Variants in FYCO1 observed in about 807,000 individuals in gnomAD.
FYCO1 encodes the protein FYVE and coiled-coil domain autophagy adaptor 1, also known as FYVE and coiled-coil domain-containing protein 1.
Under a neutral mutation model 165.1 loss-of-function variants are expected in FYCO1, and 122 were observed. The observed-to-expected ratio is 0.74, with a 90% CI of 0.64 to 0.86. The LOEUF (loss-of-function observed/expected upper bound fraction) is 0.86. FYCO1 is among the 40% of genes least tolerant of loss of function. The pLI is 0.00. For synonymous variants in FYCO1, 648 were observed against 742.5 expected (o/e 0.87, Z 2.07); for missense variants, 1,702 against 1,810.3 (o/e 0.94, Z 1.09).
In FYCO1 at chr3:45,964,950, C is replaced by T. The variant is rs1276368797; in HGVS notation, c.3150+83G>A. 1 of 1,072,510 alleles carries T rather than the reference C, an allele frequency of 9.3e-7. No individual in the cohort carries two copies. Among genetic ancestry groups the T allele is most frequent in the Non-Finnish European group, 1.4e-6 (1 of 701,290 alleles). 66.4% of individuals were successfully genotyped at this position (1,072,510 alleles called of 1,614,324 possible). On this transcript the variant is annotated intron_variant, in intron 9 of 17. Coordinates refer to ENST00000296137, the MANE Select transcript of FYCO1 (RefSeq NM_024513.4). The surrounding 1 kb of genome is among the most constrained non-coding windows in gnomAD (Gnocchi z 4.1). ...CGGCTTCAGCTTGGGAATCTGGAGG[C>T]ATGCAGGGAGCCCTCTTAAATGGTC...
chr3:45,947,171 A>C (rs759124870), intron 14 of FYCO1: 15 of 1,614,056 alleles, frequency 9.3e-6, no homozygotes, highest in Admixed American at 1.7e-5. Context: ...ACAGATCTCT[A>C]AAGATCATCT....
rs989404132 is a variant in FYCO1 at position 45,967,053 on chromosome 3, C to T, written c.2281G>A (p.Asp761Asn). The change falls in exon 8 of 18, where the codon GAC (aspartate) becomes AAC (asparagine). Residue 761 changes from aspartate to asparagine, a missense_variant. Physicochemically the swap from Asp to Asn is conservative, Grantham distance 23 (BLOSUM62 1). Coordinates refer to ENST00000296137, the MANE Select transcript of FYCO1 (RefSeq NM_024513.4). ...KGQQGVGPPT[D>N]NEARELAAQL... Reference sequence around the variant, plus strand: ...GCAGCCAGCTCACGGGCTTCATTGTCAGTGGGTGGGCCAACTCCCTGTTGG... The same window carrying T: ...GCAGCCAGCTCACGGGCTTCATTGTTAGTGGGTGGGCCAACTCCCTGTTGG... 3 of 1,613,588 alleles carry T rather than the reference C, an allele frequency of 1.9e-6. No homozygotes were observed. The Admixed American group carries it at 5.0e-5, about 27-fold the overall frequency.
Position 45,948,855 on chromosome 3 carries a change from T to C in FYCO1, c.3944+6394A>G, listed in dbSNP as rs547465375. ...GAATCTCTTAGCCTCTGAGCACCTG[T>C]TTCCTTTCTTTTTGGTGAAACATGG... On this transcript the variant is annotated intron_variant, in intron 14 of 17. Coordinates refer to ENST00000296137, the MANE Select transcript of FYCO1 (RefSeq NM_024513.4). 9.1e-4 allele frequency among the ~76,000 whole-genome samples: 138 copies of C among 152,308 alleles called. 2 individuals are homozygous for C. The highest frequency in any genetic ancestry group is 1.5e-3 in the Non-Finnish European group (99 of 68,038).
Position 45,969,693 on chromosome 3 carries a change from C to T in FYCO1, c.612G>A (p.Leu204=), listed in dbSNP as rs868163706. The change falls in exon 7 of 18, where the codon TTG becomes TTA. Residue 204 remains leucine (L), a synonymous_variant. Coordinates refer to ENST00000296137, the MANE Select transcript of FYCO1 (RefSeq NM_024513.4). ...GCCTTACCTGCAGGTAGCTGCTCACCAAGCTGCTCATGCTGGAGCTGCGGC... is the reference window on the plus strand; with the variant it reads ...GCCTTACCTGCAGGTAGCTGCTCACTAAGCTGCTCATGCTGGAGCTGCGGC... ...PPSRSSSMSS[L]VSSYLQTQEM... is the part of the protein sequence containing the mutation. 1 of 1,613,954 alleles carries T rather than the reference C, an allele frequency of 6.2e-7. No homozygotes were observed. The highest frequency in any genetic ancestry group is 1.7e-5 in the Admixed American group (1 of 60,018).
At chr3:45,955,118 C>T (rs766360779) in intron 14 of FYCO1, 131 bp downstream of exon 14, 2 of 1,101,148 alleles carry the variant, frequency 1.8e-6, no homozygotes, top group East Asian at 2.4e-5. Context: ...AAGGCCATCG[C>T]AAGCACTGTT....
At chr3:45,984,583 C>T (rs899188949) in intron 2 of FYCO1, 1 of 580,030 alleles carries the variant, frequency 1.7e-6, no homozygotes, top group Non-Finnish European at 3.1e-6. Flanking sequence ...CATGTGTGCA[C>T]TAATGGAAAT....
chr3:45,927,738 A>G (rs1250354579), intron 16 of FYCO1, among the ~76,000 whole-genome samples: 1 of 152,224 alleles, frequency 6.6e-6, no homozygotes, highest in Non-Finnish European at 1.5e-5. Flanking sequence ...TGTGATCCAC[A>G]ACCTAACAAC....
At chr3:45,947,478 A>C (rs766272819) in intron 14 of FYCO1, 2 of 1,613,846 alleles carry the variant, frequency 1.2e-6, no homozygotes, top group Non-Finnish European at 1.7e-6. Context: ...TGCCTCCCAC[A>C]ATGTGGAGGC....
In FYCO1 at chr3:45,921,634, CCTCTGAGGGGCAG is replaced by C; in HGVS notation, c.*118_*130del. ...AGCACAAAGTCCTCCCCAGACACCG[CCTCTGAGGGGCAG>C]CCCAGGGGCTGAGTTGATGATTTTG... is the stretch of plus-strand genomic sequence containing the variant. On this transcript the variant is annotated 3_prime_UTR_variant, in exon 18 of 18. Coordinates refer to ENST00000296137, the MANE Select transcript of FYCO1 (RefSeq NM_024513.4). 1.4e-6 allele frequency: 1 copy of C among 722,616 alleles called. No individual in the cohort carries two copies. The highest frequency in any genetic ancestry group is 2.0e-5 in the Admixed American group (1 of 50,358). 44.8% of individuals were successfully genotyped at this position (722,616 alleles called of 1,614,324 possible). A position where few individuals can be genotyped will look rare whatever the true frequency, so the allele number is the denominator to read the frequency against.
intron 14 of FYCO1, among the ~76,000 whole-genome samples, chr3:45,948,741 T>C (rs1050850549): frequency 6.6e-6 from 1 of 152,200 alleles, no homozygotes; most frequent in Non-Finnish European, 1.5e-5. Context: ...CGCAGAGAAG[T>C]AGGCCAGAAC....
Position 45,931,235 on chromosome 3 carries a change from C to A in FYCO1, c.4087G>T (p.Gly1363Cys). Residue 1363 changes from glycine (G) to cysteine (C), a missense_variant, in exon 16 of 18, where the codon GGT (glycine) becomes TGT (cysteine). Physicochemically the swap from Gly to Cys is radical, Grantham distance 159. Coordinates refer to ENST00000296137, the MANE Select transcript of FYCO1 (RefSeq NM_024513.4). Reference sequence around the variant, plus strand: ...GACCTCACAAACAGCTCCCTGCTACCCTCCCCGAAGCTGGCGATCTCATCC... The same window carrying A: ...GACCTCACAAACAGCTCCCTGCTACACTCCCCGAAGCTGGCGATCTCATCC... ...TVDEIASFGE[G>C]SRELFVRSST... 1 of 1,613,938 alleles carries A rather than the reference C, an allele frequency of 6.2e-7. No individual in the cohort carries two copies. Among genetic ancestry groups the A allele is most frequent in the South Asian group, 1.1e-5 (1 of 91,080 alleles).
chr3:45,973,685 A>G (rs989506533), intron 5 of FYCO1, among the ~76,000 whole-genome samples: 1 of 152,236 alleles, frequency 6.6e-6, no homozygotes, highest in Non-Finnish European at 1.5e-5. Flanking sequence ...ACCGTAAGAC[A>G]GGGTGAGAAA....
At chr3:45,925,137 C>A (rs999494335) in intron 16 of FYCO1, among the ~76,000 whole-genome samples, 1 of 151,774 alleles carries the variant, frequency 6.6e-6, no homozygotes, top group African/African-American at 2.4e-5. Flanking sequence ...ATCATGTTGG[C>A]CAGGCTGGTC....
intron 1 of FYCO1, among the ~76,000 whole-genome samples, chr3:45,988,501 C>CA (rs1246608810): frequency 1.3e-5 from 2 of 152,152 alleles, no homozygotes; most frequent in African/African-American, 4.8e-5. Context: ...TACATACTAC[C>CA]ACGGCTGCCC....
At chr3:45,976,556 TC>T (rs2125863782) in intron 4 of FYCO1, among the ~76,000 whole-genome samples, 1 of 152,214 alleles carries the variant, frequency 6.6e-6, no homozygotes, top group Non-Finnish European at 1.5e-5. Flanking sequence ...ACCAATACCC[TC>T]CCCACCCCTT....
At position 45,966,918 on chromosome 3, in the gene FYCO1, G is replaced by C. The variant is rs1706065005; in HGVS notation, c.2416C>G (p.Gln806Glu). 6.2e-7 allele frequency: 1 copy of C among 1,613,596 alleles called. No homozygotes were observed. The highest frequency in any genetic ancestry group is 1.7e-5 in the Admixed American group (1 of 60,004). Residue 806 changes from glutamine to glutamate, a missense_variant, in exon 8 of 18, where the codon CAG becomes GAG. Transcript: ENST00000296137. ...CTTAGCTGGCTCTGCACCTTGTCCTGGTCATCCAGGGCTGCCCGCATCTTG... is the reference window on the plus strand; with the variant it reads ...CTTAGCTGGCTCTGCACCTTGTCCTCGTCATCCAGGGCTGCCCGCATCTTG... ...QAKMRAALDD[Q>E]DKVQSQLSMA...
intron 15 of FYCO1, 34 bp downstream of exon 15, chr3:45,936,414 C>T (rs761565992): frequency 1.3e-6 from 2 of 1,503,458 alleles, no homozygotes; most frequent in South Asian, 2.2e-5. Flanking sequence ...CAATGCCACA[C>T]CTGGGGAGGG....
In FYCO1 at chr3:45,956,305, C is replaced by T. The variant is rs143226516; in HGVS notation, c.3800-912G>A. 4.1e-3 allele frequency among the ~76,000 whole-genome samples: 621 copies of T among 152,026 alleles called. 7 individuals are homozygous for T. The highest frequency in any genetic ancestry group is 0.013 in the African/African-American group (556 of 41,434). On this transcript the variant is annotated intron_variant, in intron 13 of 17. Transcript: ENST00000296137. ...GAGCCGAGATCGTACCACTGCACTC[C>T]AGCCTGAGAAACAGAGCAAGACTTA...
At position 45,936,435 on chromosome 3, in the gene FYCO1, A is replaced by T; in HGVS notation, c.4040+13T>A. The stretch of plus-strand genomic sequence containing the variant: ...CACACCTGGGGAGGGCCCAGGCAGC[A>T]GTTGCCACTTACATCAGTTCTCCAG... On this transcript the variant is annotated intron_variant, in intron 15 of 17. Coordinates refer to ENST00000296137, the MANE Select transcript of FYCO1 (RefSeq NM_024513.4). The T allele has an allele frequency of 6.3e-7, 1 of 1,598,892 alleles. No individual in the cohort carries two copies. The highest frequency in any genetic ancestry group is 2.2e-5 in the East Asian group (1 of 44,778).
Sources: allele counts gnomAD v4.1 joint callset (sites outside exome capture counted in the v4.1 genomes callset), GRCh38; gene constraint gnomAD v4.1.1; non-coding constraint Gnocchi (gnomAD v3.1); transcripts MANE v1.5; gene names NCBI Gene and HGNC (gene_info 2026-07-23, HGNC 2026-07-21).